SP1: variants seen among roughly 807,000 people sequenced by gnomAD.
The protein encoded by SP1 is Sp1 transcription factor.
A neutral mutation model predicts 66.3 loss-of-function variants in SP1; 6 were observed. The observed-to-expected ratio is 0.09, with a 90% CI of 0.05 to 0.18. The LOEUF (loss-of-function observed/expected upper bound fraction) is 0.18, where lower values mean the gene tolerates loss of function less well. SP1 is among the 10% of genes least tolerant of loss of function. The pLI is 1.00. For synonymous variants in SP1, 417 were observed against 360.8 expected (o/e 1.16, Z -1.77); for missense variants, 848 against 964.5 (o/e 0.88, Z 1.60).
In SP1 at chr12:53,387,645, G is replaced by GGT. The variant is rs1011347188; in HGVS notation, c.1675+4025_1675+4026dup. Among the ~76,000 whole-genome samples, 49 of 152,182 alleles carry GGT rather than the reference G, an allele frequency of 3.2e-4. 1 individual carries two copies. The highest frequency in any genetic ancestry group is 2.1e-3 in the Admixed American group (32 of 15,252). ...GCTGAGGCTAGTTTTACTAGTCTAG[G>GGT]GTGCAACCTGTTTTAACTAGGGACT... On this transcript the variant is annotated intron_variant, in intron 3 of 5. Coordinates refer to ENST00000327443, the MANE Select transcript of SP1 (RefSeq NM_138473.3).
chr12:53,409,239 A>C (rs762572990), intron 4 of SP1, 123 bp from the exon 5 acceptor site: 34 of 778,244 alleles, frequency 4.4e-5, no homozygotes, highest in Non-Finnish European at 6.6e-5. Flanking sequence ...ACAAAAAAGA[A>C]GACTTTTTCA....
chr12:53,386,823 T>C (rs1197381905), intron 3 of SP1, among the ~76,000 whole-genome samples: 1 of 152,008 alleles, frequency 6.6e-6, no homozygotes, highest in Non-Finnish European at 1.5e-5. Flanking sequence ...TGTATGGAGC[T>C]AATCTTTAAT....
rs1443880847 is a variant in SP1 at position 53,381,730 on chromosome 12, G to A, written c.79G>A (p.Gly27Ser). 2 of 1,614,172 alleles carry A rather than the reference G, an allele frequency of 1.2e-6. No individual in the cohort carries two copies. The highest frequency in any genetic ancestry group is 8.5e-7 in the Non-Finnish European group (1 of 1,180,006). The change falls in exon 2 of 6, where the codon GGC becomes AGC. Residue 27 changes from glycine (G) to serine (S), a missense_variant. Gly to Ser is a moderately conservative substitution (Grantham distance 56). Around this residue, in one of 7 missense-constraint regions of SP1, gnomAD observed 84 missense variants for 73.9 expected, o/e 1.14. Transcript: ENST00000327443. Reference protein sequence around the residue: ...IEKGVGGNNGGNGNGGGAFSQ... With the variant: ...IEKGVGGNNGSNGNGGGAFSQ... Reference sequence around the variant, plus strand: ...AAAAGGAGTTGGTGGCAATAATGGGGGCAATGGTAATGGTGGTGGTGCCTT... The same window carrying A: ...AAAAGGAGTTGGTGGCAATAATGGGAGCAATGGTAATGGTGGTGGTGCCTT...
intron 1 of SP1, chr12:53,380,656 G>T (rs1592552386): frequency 2.0e-6 from 2 of 993,052 alleles, no homozygotes; most frequent in Non-Finnish European, 2.4e-6. Flanking sequence ...GCCCCGCCCG[G>T]GCCAACCGCC....
chr12:53,400,388 C>T (rs1938585044), intron 3 of SP1, among the ~76,000 whole-genome samples: 1 of 151,924 alleles, frequency 6.6e-6, no homozygotes, highest in Non-Finnish European at 1.5e-5. Context: ...TGTATATATA[C>T]CACATTTTGT....
intron 3 of SP1, among the ~76,000 whole-genome samples, chr12:53,402,674 A>C (rs532338954): frequency 1.3e-5 from 2 of 150,088 alleles, no homozygotes; most frequent in East Asian, 4.1e-4. Context: ...CCCTGTCTCT[A>C]CTAAAAATGC....
chr12:53,399,564 C>T (rs1054921029), intron 3 of SP1, among the ~76,000 whole-genome samples: 1 of 152,172 alleles, frequency 6.6e-6, no homozygotes, highest in Non-Finnish European at 1.5e-5. Flanking sequence ...ATCTCCTGAC[C>T]TTGTGATCCG....
chr12:53,380,734 C>T, intron 1 of SP1: 8 of 765,236 alleles, frequency 1.0e-5, no homozygotes, highest in Non-Finnish European at 1.3e-5. Context: ...GTAGATTTCC[C>T]TTCCCCCCCG....
chr12:53,385,908 G>A (rs554546986), intron 3 of SP1, among the ~76,000 whole-genome samples: 3 of 140,384 alleles, frequency 2.1e-5, no homozygotes, highest in Admixed American at 7.3e-5. Flanking sequence ...GTGAGACTCC[G>A]TCTCAAAAAA....
chr12:53,400,728 A>G (rs1938591052), intron 3 of SP1, among the ~76,000 whole-genome samples: 1 of 146,742 alleles, frequency 6.8e-6, no homozygotes, highest in African/African-American at 2.5e-5. Flanking sequence ...AGCTGGGATT[A>G]CAGGTGTGTA....
At position 53,383,014 on chromosome 12, in the gene SP1, C is replaced by T. The variant is rs1158276150; in HGVS notation, c.1067C>T (p.Pro356Leu). 4.3e-6 allele frequency: 7 copies of T among 1,614,038 alleles called. No homozygotes were observed. In the Admixed American group the frequency reaches 1.0e-4, roughly 23 times the overall value. ...GGGACCAACTCTCAAGGCCAGACAC[C>T]CCAGAGGGTCAGTGGGCTACAGGGG... The part of the protein sequence containing the change: ...SSGTNSQGQT[P>L]QRVSGLQGSD... Residue 356 changes from proline to leucine, a missense_variant, in exon 3 of 6, where the codon CCC becomes CTC. Transcript: ENST00000327443.
At chr12:53,401,826 AC>A (rs1940638575) in intron 3 of SP1, among the ~76,000 whole-genome samples, 1 of 151,746 alleles carries the variant, frequency 6.6e-6, no homozygotes, top group South Asian at 2.1e-4. Flanking sequence ...CCACCACCAC[AC>A]CCAGCTAATA....
Position 53,380,253 on chromosome 12 carries a change from C to CCCCG in SP1, c.-39_-38insCCCG. 1.3e-6 allele frequency: 2 copies of CCCCG among 1,522,872 alleles called. No individual in the cohort carries two copies. Among genetic ancestry groups the CCCCG allele is most frequent in the Non-Finnish European group, 1.8e-6 (2 of 1,099,980 alleles). 94.3% of individuals were successfully genotyped at this position (1,522,872 alleles called of 1,614,324 possible). ...TTTTCCCGGCCCCCCCCAACCCCCC[C>CCCCG]GGACAGGACCCCCTTGAGCTTGTCC... On this transcript the variant is annotated 5_prime_UTR_variant, in exon 1 of 6. Transcript: ENST00000327443.
Position 53,382,593 on chromosome 12 carries a change from A to C in SP1, c.646A>C (p.Thr216Pro). ...ACCAGGTGCAAACCAACAGATTATCACAAATCGAGGAAGTGGAGGCAACAT... is the reference window on the plus strand; with the variant it reads ...ACCAGGTGCAAACCAACAGATTATCCCAAATCGAGGAAGTGGAGGCAACAT... ...IIPGANQQIITNRGSGGNIIA... is the reference protein window; with the variant it reads ...IIPGANQQIIPNRGSGGNIIA... Residue 216 changes from threonine (T) to proline (P), a missense_variant, in exon 3 of 6, where the codon ACA becomes CCA. Coordinates refer to ENST00000327443, the MANE Select transcript of SP1 (RefSeq NM_138473.3). The C allele has an allele frequency of 1.9e-6, 3 of 1,614,164 alleles. No individual in the cohort carries two copies. The highest frequency in any genetic ancestry group is 2.5e-6 in the Non-Finnish European group (3 of 1,180,038).
At chr12:53,405,305 A>C (rs967889975) in intron 3 of SP1, among the ~76,000 whole-genome samples, 1 of 152,192 alleles carries the variant, frequency 6.6e-6, no homozygotes, top group Admixed American at 6.6e-5. Context: ...AATTAGATGT[A>C]CATTTAAATA....
At chr12:53,386,274 G>A (rs1338758800) in intron 3 of SP1, among the ~76,000 whole-genome samples, 1 of 152,106 alleles carries the variant, frequency 6.6e-6, no homozygotes, top group Non-Finnish European at 1.5e-5. Context: ...GAAAGGGAGT[G>A]GGGTAAGTTG....
Position 53,381,676 on chromosome 12 carries a change from G to A in SP1, c.25G>A (p.Asp9Asn). 1 of 1,612,944 alleles carries A rather than the reference G, an allele frequency of 6.2e-7. No homozygotes were observed. Among genetic ancestry groups the A allele is most frequent in the African/African-American group, 1.3e-5 (1 of 74,898 alleles). The change falls in exon 2 of 6, where the codon GAT (aspartate) becomes AAT (asparagine). Residue 9 changes from aspartate to asparagine, a missense_variant. This residue lies in a region of SP1 where 84 missense variants were observed against 73.9 expected (regional missense o/e 1.14). Transcript: ENST00000327443. ...TATTTTAGACCAAGATCACTCCATGGATGAAATGACAGCTGTGGTGAAAAT... is the reference window on the plus strand; with the variant it reads ...TATTTTAGACCAAGATCACTCCATGAATGAAATGACAGCTGTGGTGAAAAT... MSDQDHSM[D>N]EMTAVVKIEK...
At chr12:53,406,239 T>C (rs1007499489) in intron 3 of SP1, among the ~76,000 whole-genome samples, 4 of 151,894 alleles carry the variant, frequency 2.6e-5, no homozygotes, top group Non-Finnish European at 5.9e-5. Context: ...CCAGCTAATT[T>C]TGTATTTTTA....
chr12:53,415,979 T>C lies in SP1; in HGVS notation c.*4739T>C, dbSNP rs1938988143. ...GACATCTACACACACCAGTGGCAGCTGCCCCAGGGCCTGCTTCCCCTTCCT... is the reference window on the plus strand; with the variant it reads ...GACATCTACACACACCAGTGGCAGCCGCCCCAGGGCCTGCTTCCCCTTCCT... On this transcript the variant is annotated 3_prime_UTR_variant, in exon 6 of 6. Transcript: ENST00000327443. 6.6e-6 allele frequency: 1 copy of C among 152,670 alleles called. No homozygotes were observed. Among genetic ancestry groups the C allele is most frequent in the Admixed American group, 6.5e-5 (1 of 15,268 alleles). 9.5% of individuals were successfully genotyped at this position (152,670 alleles called of 1,614,324 possible).
Sources: gnomAD v4.1 joint callset for allele counts (sites outside exome capture counted in the v4.1 genomes callset) on GRCh38, gnomAD v4.1.1 for gene constraint, gnomAD v4.1.1 regional missense constraint, MANE v1.5 for transcripts, NCBI Gene and HGNC (gene_info 2026-07-23, HGNC 2026-07-21) for gene names.